ALMS1: variants seen among roughly 807,000 people sequenced by gnomAD.
ALMS1 encodes the protein centrosome-associated protein ALMS1.
ALMS1 carries 271 observed loss-of-function variants against 352.2 expected under a neutral mutation model. The observed-to-expected ratio is 0.77, with a 90% CI of 0.70 to 0.85. The LOEUF (loss-of-function observed/expected upper bound fraction) is 0.85, where lower values mean the gene tolerates loss of function less well. Among genes scored for constraint, ALMS1 ranks in the 40% least tolerant of loss-of-function variants. The pLI, the probability that ALMS1 is intolerant of heterozygous loss-of-function variation, is 0.00. For missense variants in ALMS1, 5,445 were observed against 4,870.7 expected (o/e 1.12, Z -3.51); for synonymous variants, 1,865 against 1,761.2 (o/e 1.06, Z -1.48).
intron 9 of ALMS1, among the ~76,000 whole-genome samples, chr2:73,471,704 A>G (rs974022395): frequency 6.6e-6 from 1 of 151,944 alleles, no homozygotes; most frequent in Non-Finnish European, 1.5e-5. Context: ...TATCAAAACA[A>G]AACAAATGGT....
At chr2:73,539,303 A>G (rs959718405) in intron 12 of ALMS1, among the ~76,000 whole-genome samples, 4 of 152,210 alleles carry the variant, frequency 2.6e-5, no homozygotes, top group African/African-American at 7.2e-5. Context: ...GCAAACTCCA[A>G]CAGACCTGCA....
intron 13 of ALMS1, among the ~76,000 whole-genome samples, chr2:73,553,707 C>T (rs1470967743): frequency 6.6e-6 from 1 of 152,138 alleles, no homozygotes; most frequent in African/African-American, 2.4e-5. Context: ...TTTAATCACT[C>T]AGACCATTAT....
At chr2:73,543,800 C>G (rs1251752725) in intron 12 of ALMS1, among the ~76,000 whole-genome samples, 2 of 152,146 alleles carry the variant, frequency 1.3e-5, no homozygotes. Flanking sequence ...AAATGCAAAT[C>G]AAAACCACAA....
intron 10 of ALMS1, among the ~76,000 whole-genome samples, chr2:73,498,752 C>T (rs990630372): frequency 4.6e-5 from 7 of 152,160 alleles, no homozygotes; most frequent in African/African-American, 1.2e-4. Context: ...TGGATCTCAT[C>T]ATTTTCTATG....
chr2:73,393,963 G>A (rs1670704946), intron 1 of ALMS1, among the ~76,000 whole-genome samples: 1 of 151,928 alleles, frequency 6.6e-6, no homozygotes, highest in African/African-American at 2.4e-5. Flanking sequence ...TGGAACTACA[G>A]GCACATGCCA....
At chr2:73,565,020 G>C (rs1248783132) in intron 15 of ALMS1, among the ~76,000 whole-genome samples, 1 of 152,210 alleles carries the variant, frequency 6.6e-6, no homozygotes, top group Admixed American at 6.5e-5. Context: ...TGGTATTGCA[G>C]ACTCACATGC....
rs780331033 is a variant in ALMS1 at position 73,489,985 on chromosome 2, A to G, written c.8026A>G (p.Met2676Val). ...TCTTCGAATGCCATTCGATGAAAAGATGGACCCTTGGCTGTCAGAATTAGT... is the reference window on the plus strand; with the variant it reads ...TCTTCGAATGCCATTCGATGAAAAGGTGGACCCTTGGCTGTCAGAATTAGT... ...KGLRMPFDEK[M>V]DPWLSELVEP... The change falls in exon 10 of 23, where the codon ATG becomes GTG. Residue 2676 changes from methionine to valine, a missense_variant. By Grantham distance (21) the Met-to-Val change is conservative. Transcript: ENST00000613296. The G allele has an allele frequency of 6.2e-7, 1 of 1,614,120 alleles. No individual in the cohort carries two copies. Among genetic ancestry groups the G allele is most frequent in the African/African-American group, 1.3e-5 (1 of 74,944 alleles).
At chr2:73,551,644 C>T (rs1308517605) in intron 13 of ALMS1, among the ~76,000 whole-genome samples, 6 of 151,668 alleles carry the variant, frequency 4.0e-5, no homozygotes, top group Non-Finnish European at 7.4e-5. Flanking sequence ...CCATGTTGGC[C>T]AGGCTGGTCT....
chr2:73,600,720 A>G lies in ALMS1; in HGVS notation c.11711A>G (p.Asp3904Gly), dbSNP rs1197037048. Residue 3904 changes from aspartate to glycine, a missense_variant, in exon 18 of 23, where the codon GAT (aspartate) becomes GGT (glycine). Asp to Gly is a moderately conservative substitution (Grantham distance 94). Coordinates refer to ENST00000613296, the MANE Select transcript of ALMS1 (RefSeq NM_001378454.1). ...AACGGTGCCAAAAAACACACTCGAG[A>G]TGTTGGGATAACTTTCCCAACTCCA... ...IVNGAKKHTRDVGITFPTPSS... is the reference protein window; with the variant it reads ...IVNGAKKHTRGVGITFPTPSS... 6.8e-6 allele frequency: 11 copies of G among 1,614,048 alleles called. No individual in the cohort carries two copies. The African/African-American group carries it at 1.1e-4, about 16-fold the overall frequency.
chr2:73,401,773 G>T lies in ALMS1; in HGVS notation c.325-6849G>T, dbSNP rs200407672. On this transcript the variant is annotated intron_variant, in intron 1 of 22. Transcript: ENST00000613296. ...ATTAACTATAGTACTTATATTTTAC[G>T]TTGAATTGCTAAACTTGCTGATCCA... 6.6e-5 allele frequency among the ~76,000 whole-genome samples: 10 copies of T among 151,396 alleles called. No homozygotes were observed. The East Asian group carries it at 1.9e-3, about 29-fold the overall frequency.
chr2:73,393,552 C>T (rs1670695313), intron 1 of ALMS1, among the ~76,000 whole-genome samples: 1 of 152,108 alleles, frequency 6.6e-6, no homozygotes, highest in Admixed American at 6.5e-5. Context: ...TTCATCCACC[C>T]CACTCTCACA....
intron 9 of ALMS1, among the ~76,000 whole-genome samples, chr2:73,481,204 T>C (rs956719342): frequency 6.6e-5 from 10 of 152,122 alleles, no homozygotes; most frequent in Non-Finnish European, 1.3e-4. Flanking sequence ...GTTTTTATGG[T>C]TTTCAGTCTA....
intron 7 of ALMS1, among the ~76,000 whole-genome samples, chr2:73,433,964 C>T (rs1671560240): frequency 1.3e-5 from 2 of 152,052 alleles, no homozygotes; most frequent in South Asian, 4.1e-4. Flanking sequence ...CTCTTTCATT[C>T]CTGATTTTAG....
rs761064089 is a variant in ALMS1 at position 73,491,033 on chromosome 2, C to T, written c.9074C>T (p.Pro3025Leu). ...AATACTGTGGTCTCCCAGTCAGCCC[C>T]AAATCACTGTACATTAGCAGCATCT... ...KFNTVVSQSA[P>L]NHCTLAASAS... Residue 3025 changes from proline (P) to leucine (L), a missense_variant, in exon 10 of 23, where the codon CCA becomes CTA. Pro to Leu is a moderately conservative substitution (Grantham distance 98, BLOSUM62 -3). Transcript: ENST00000613296. 1 of 1,614,182 alleles carries T rather than the reference C, an allele frequency of 6.2e-7. No homozygotes were observed. Among genetic ancestry groups the T allele is most frequent in the Non-Finnish European group, 8.5e-7 (1 of 1,180,034 alleles).
At chr2:73,565,799 A>G (rs1390606992) in intron 15 of ALMS1, among the ~76,000 whole-genome samples, 1 of 152,218 alleles carries the variant, frequency 6.6e-6, no homozygotes, top group Non-Finnish European at 1.5e-5. Context: ...ACATGAGACA[A>G]ACTCAAATGA....
At position 73,609,614 on chromosome 2, in the gene ALMS1, A is replaced by C. The variant is rs745814109; in HGVS notation, c.*2A>C. The C allele has an allele frequency of 4.7e-5, 76 of 1,613,984 alleles. No individual in the cohort carries two copies. In the South Asian group the frequency reaches 8.1e-4, roughly 17 times the overall value. ...GGGAGAAAAGTTCCCTGGGACTGAC[A>C]CAAGTTTATTTTCCTCAGAGCCTTG... is the stretch of plus-strand genomic sequence containing the variant. On this transcript the variant is annotated 3_prime_UTR_variant, in exon 23 of 23. Transcript: ENST00000613296.
At chr2:73,396,934 G>A (rs557779745) in intron 1 of ALMS1, among the ~76,000 whole-genome samples, 1 of 152,156 alleles carries the variant, frequency 6.6e-6, no homozygotes, top group South Asian at 2.1e-4. Flanking sequence ...TTGAGCTACC[G>A]CGCCCAGCCT....
At chr2:73,535,999 C>T (rs115675714) in intron 12 of ALMS1, among the ~76,000 whole-genome samples, 1,522 of 152,160 alleles carry the variant, frequency 0.01, 28 homozygotes, top group African/African-American at 0.034. Context: ...GATACAACCT[C>T]GCCTGATTTC....
intron 10 of ALMS1, among the ~76,000 whole-genome samples, chr2:73,496,004 TTTC>T (rs1212678394): frequency 2.0e-5 from 3 of 152,206 alleles, no homozygotes; most frequent in African/African-American, 7.2e-5. Flanking sequence ...TTTGCTAAAG[TTTC>T]TTAAGTCAGC....
Sources: allele counts gnomAD v4.1 joint callset (sites outside exome capture counted in the v4.1 genomes callset), GRCh38; gene constraint gnomAD v4.1.1; transcripts MANE v1.5; gene names NCBI Gene and HGNC (gene_info 2026-07-23, HGNC 2026-07-21).